Variants in MTERF3 observed in about 807,000 individuals in gnomAD.
MTERF3 encodes the protein mitochondrial transcription termination factor 3.
A neutral mutation model predicts 40.5 loss-of-function variants in MTERF3; 40 were observed. The ratio of observed to expected loss-of-function variants is 0.99; its 90% CI spans 0.77 to 1.29. The LOEUF is 1.29. Ranked by LOEUF, MTERF3 falls within the 50% of genes most tolerant of loss-of-function variation. The probability of loss-of-function intolerance (pLI) is 0.00; values close to 1 mark genes in which losing one functional copy is unlikely to be tolerated. For synonymous variants in MTERF3, 158 were observed against 166.6 expected (o/e 0.95, Z 0.40); for missense variants, 452 against 478.2 (o/e 0.95, Z 0.51).
In MTERF3 at chr8:96,239,574, C is replaced by A; in HGVS notation, c.1171G>T (p.Val391Leu). 6.2e-7 allele frequency: 1 copy of A among 1,613,210 alleles called. No individual in the cohort carries two copies. Among genetic ancestry groups the A allele is most frequent in the Non-Finnish European group, 8.5e-7 (1 of 1,179,700 alleles). Residue 391 changes from valine to leucine, a missense_variant, in exon 8 of 8, where the codon GTA (valine) becomes TTA (leucine). Val to Leu is a conservative substitution (Grantham distance 32, BLOSUM62 1). Coordinates refer to ENST00000287025, the MANE Select transcript of MTERF3 (RefSeq NM_015942.5). ...KPNYISLDKL[V>L]SIPDEIFCEE... ...CAAAATATTTCATCAGGAATAGATA[C>A]TAGTTTGTCCAAAGAGATGTAGTTA... is the stretch of plus-strand genomic sequence containing the variant.
intron 6 of MTERF3, 29 bp downstream of exon 6, chr8:96,245,831 A>T: frequency 6.3e-7 from 1 of 1,595,772 alleles, no homozygotes; most frequent in Non-Finnish European, 8.6e-7. Flanking sequence ...AAAGAAACTG[A>T]TTTCTCAAAA....
In MTERF3 at chr8:96,258,658, C is replaced by T; in HGVS notation, c.33G>A (p.Trp11Ter). 2 of 1,611,532 alleles carry T rather than the reference C, an allele frequency of 1.2e-6. No homozygotes were observed. Among genetic ancestry groups the T allele is most frequent in the East Asian group, 2.2e-5 (1 of 44,840 alleles). The stretch of plus-strand genomic sequence containing the variant: ...GGCTCCTCAACTTAACTGAGTTAAA[C>T]CATCTGGGTATCTGTTGGGCTGACA... The part of the protein sequence containing the change: MALSAQQIPR[W>*]FNSVKLRSLI... Residue 11 changes from tryptophan to a stop codon, truncating the protein, a stop_gained, in exon 2 of 8, where the codon TGG (tryptophan) becomes TGA (stop). Coordinates refer to ENST00000287025, the MANE Select transcript of MTERF3 (RefSeq NM_015942.5). LOFTEE classifies it high-confidence loss of function.
intron 4 of MTERF3, among the ~76,000 whole-genome samples, chr8:96,250,684 G>GAAGAAGAAGAAGAAGA (rs1174594294): frequency 2.2e-4 from 3 of 13,556 alleles, no homozygotes; most frequent in Admixed American, 7.1e-4. Flanking sequence ...GAAGAAGAAG[G>GAAGAAGAAGAAGAAGA]AGGAGGAGGA....
chr8:96,256,194 T>C (rs982751249), intron 3 of MTERF3, among the ~76,000 whole-genome samples: 1 of 152,188 alleles, frequency 6.6e-6, no homozygotes, highest in African/African-American at 2.4e-5. Context: ...ATCCCCTGGC[T>C]CCCTTAAGCT....
At position 96,247,004 on chromosome 8, in the gene MTERF3, G is replaced by A. The variant is rs139370390; in HGVS notation, c.678-550C>T. Among the ~76,000 whole-genome samples the A allele has an allele frequency of 6.3e-4, 96 of 151,934 alleles. 1 individual carries two copies. Among genetic ancestry groups the A allele is most frequent in the South Asian group, 5.8e-3 (28 of 4,814 alleles). On this transcript the variant is annotated intron_variant, in intron 4 of 7. Transcript: ENST00000287025. ...TTCTTTTCTTTTCAGGAAGAGTCCC[G>A]CTCTGTTGCCCAGGCTGGAGTGCAG...
intron 7 of MTERF3, among the ~76,000 whole-genome samples, chr8:96,241,060 G>A (rs775324418): frequency 6.6e-6 from 1 of 152,146 alleles, no homozygotes; most frequent in Non-Finnish European, 1.5e-5. Context: ...GATGTAAGAG[G>A]TTTTAGATAG....
rs533920415 is a variant in MTERF3, at chr8:96,254,250, C to T, written c.487+2712G>A. 4.6e-5 allele frequency among the ~76,000 whole-genome samples: 7 copies of T among 152,220 alleles called. No individual in the cohort carries two copies. In the South Asian group the frequency reaches 1.0e-3, roughly 23 times the overall value. On this transcript the variant is annotated intron_variant, in intron 3 of 7. Coordinates refer to ENST00000287025, the MANE Select transcript of MTERF3 (RefSeq NM_015942.5). ...ATCAAGCTAATTAACATATTCATTA[C>T]CTTACATATTCATGACTTTTTTTTG...
At chr8:96,254,106 A>G (rs1420325547) in intron 3 of MTERF3, among the ~76,000 whole-genome samples, 1 of 152,186 alleles carries the variant, frequency 6.6e-6, no homozygotes, top group African/African-American at 2.4e-5. Context: ...AGGAAAAGTG[A>G]CTGTCTCCTC....
chr8:96,250,613 G>GAA, intron 4 of MTERF3, among the ~76,000 whole-genome samples: 1 of 28,444 alleles, frequency 3.5e-5, no homozygotes, highest in South Asian at 2.1e-3. Context: ...GGGAGGCTGA[G>GAA]GCAGAAGAAG....
intron 3 of MTERF3, among the ~76,000 whole-genome samples, chr8:96,254,018 TAAGAC>T (rs980543368): frequency 6.6e-6 from 1 of 151,910 alleles, no homozygotes; most frequent in African/African-American, 2.4e-5. Flanking sequence ...AAAAAAAAGA[TAAGAC>T]AGGGACTGTG....
chr8:96,258,146 G>T, intron 2 of MTERF3: 1 of 653,988 alleles, frequency 1.5e-6, no homozygotes, highest in Non-Finnish European at 1.9e-6. Flanking sequence ...TATATGTGTA[G>T]CTATAAAATA....
At chr8:96,244,218 CCT>C in intron 6 of MTERF3, 138 bp from the exon 7 acceptor site, 1 of 641,876 alleles carries the variant, frequency 1.6e-6, no homozygotes, top group Non-Finnish European at 2.6e-6. Flanking sequence ...GGCATGATCT[CCT>C]GCCTCAGTCT....
At chr8:96,250,883 G>A (rs376013304) in intron 4 of MTERF3, 23 bp downstream of exon 4, 101 of 1,584,280 alleles carry the variant, frequency 6.4e-5, no homozygotes, top group Non-Finnish European at 8.1e-5. Flanking sequence ...TAGGTTATAT[G>A]AGAATCCTTT....
intron 4 of MTERF3, among the ~76,000 whole-genome samples, 199 bp downstream of exon 4, chr8:96,250,702 AGGGGG>A (rs1563549222): frequency 1.8e-3 from 44 of 24,438 alleles, no homozygotes; most frequent in Non-Finnish European, 2.5e-3. Context: ...GGAGGGGGGG[AGGGGG>A]AGGGGGAGAA....
intron 3 of MTERF3, among the ~76,000 whole-genome samples, chr8:96,252,466 A>G (rs1214936736): frequency 6.6e-6 from 1 of 152,240 alleles, no homozygotes; most frequent in Non-Finnish European, 1.5e-5. Context: ...ACTACAGAAT[A>G]GTATAAAACC....
intron 3 of MTERF3, among the ~76,000 whole-genome samples, chr8:96,251,646 C>G (rs939199048): frequency 5.9e-5 from 9 of 152,076 alleles, no homozygotes; most frequent in Non-Finnish European, 1.3e-4. Flanking sequence ...CAAGAAATGT[C>G]TGAGTGAGAA....
intron 3 of MTERF3, among the ~76,000 whole-genome samples, chr8:96,256,016 C>A (rs1810273387): frequency 6.6e-6 from 1 of 151,970 alleles, no homozygotes; most frequent in South Asian, 2.1e-4. Context: ...ATGGAGAGAC[C>A]CGACCTCCCC....
In MTERF3 at chr8:96,239,570, G is replaced by T. The variant is rs370527769; in HGVS notation, c.1175C>A (p.Ser392Tyr). The T allele has an allele frequency of 7.4e-6, 12 of 1,613,046 alleles. No individual in the cohort carries two copies. The highest frequency in any genetic ancestry group is 1.3e-5 in the African/African-American group (1 of 74,824). Residue 392 changes from serine to tyrosine, a missense_variant, in exon 8 of 8, where the codon TCT becomes TAT. Transcript: ENST00000287025. Reference sequence around the variant, plus strand: ...TTCACAAAATATTTCATCAGGAATAGATACTAGTTTGTCCAAAGAGATGTA... The same window carrying T: ...TTCACAAAATATTTCATCAGGAATATATACTAGTTTGTCCAAAGAGATGTA... ...PNYISLDKLV[S>Y]IPDEIFCEEI... is the part of the protein sequence containing the mutation.
intron 3 of MTERF3, 118 bp from the exon 4 acceptor site, chr8:96,251,213 A>T (rs920384337): frequency 1.1e-5 from 7 of 662,584 alleles, no homozygotes; most frequent in Non-Finnish European, 1.4e-5. Context: ...GAGCACTGAG[A>T]TAGATCAATA....
Sources: allele counts gnomAD v4.1 joint callset (sites outside exome capture counted in the v4.1 genomes callset), GRCh38; gene constraint gnomAD v4.1.1; transcripts MANE v1.5; gene names NCBI Gene and HGNC (gene_info 2026-07-23, HGNC 2026-07-21).